GDAP1: variants seen among roughly 807,000 people sequenced by gnomAD.
GDAP1 encodes the protein ganglioside-induced differentiation-associated protein 1.
GDAP1 carries 34 observed loss-of-function variants against 40.1 expected under a neutral mutation model. The ratio of observed to expected loss-of-function variants is 0.85; its 90% confidence interval spans 0.64 to 1.13. The LOEUF (loss-of-function observed/expected upper bound fraction) is 1.13, where lower values mean the gene tolerates loss of function less well. GDAP1 is among the 50% of genes most tolerant of loss of function. The probability of loss-of-function intolerance (pLI) is 0.00; values close to 1 mark genes in which losing one functional copy is unlikely to be tolerated. For missense variants in GDAP1, 374 were observed against 433.7 expected (o/e 0.86, Z 1.22); for synonymous variants, 170 against 157.4 (o/e 1.08, Z -0.60).
chr8:74,444,899 A>G (rs1456850849), intron 2 of GDAP1, among the ~76,000 whole-genome samples: 1 of 152,216 alleles, frequency 6.6e-6, no homozygotes, highest in African/African-American at 2.4e-5. Context: ...TATTATGCTC[A>G]CTGATTTATC....
At chr8:74,422,352 C>CCTTCCTTCCTTCCTTCCTT (rs1245003353) in intron 2 of GDAP1, among the ~76,000 whole-genome samples, 2 of 34,222 alleles carry the variant, frequency 5.8e-5, no homozygotes, top group African/African-American at 2.1e-4. Flanking sequence ...TTTCTTTCTT[C>CCTTCCTTCCTTCCTTCCTT]CCTTCCTTCC....
chr8:74,356,711 T>TAG (rs1809114236), intron 2 of GDAP1, among the ~76,000 whole-genome samples: 1 of 87,416 alleles, frequency 1.1e-5, no homozygotes, highest in Non-Finnish European at 2.4e-5. Context: ...TGTATATATA[T>TAG]ATATATTTTT....
At chr8:74,362,385 G>A (rs1375988321) in intron 4 of GDAP1, among the ~76,000 whole-genome samples, 7 of 152,002 alleles carry the variant, frequency 4.6e-5, no homozygotes, top group Non-Finnish European at 5.9e-5. Flanking sequence ...TTCCTTCCCC[G>A]GGCCCAGCAA....
At chr8:74,382,868 A>G (rs773536433) in intron 2 of GDAP1, among the ~76,000 whole-genome samples, 11 of 152,012 alleles carry the variant, frequency 7.2e-5, no homozygotes, top group Admixed American at 5.9e-4. Context: ...CTTTTATTTC[A>G]GTTACTGTCT....
At chr8:74,478,402 G>T (rs10100934) in intron 2 of GDAP1, among the ~76,000 whole-genome samples, 1,726 of 152,154 alleles carry the variant, frequency 0.011, 23 homozygotes, top group African/African-American at 0.039. Flanking sequence ...GTAGGCTGGT[G>T]TGTGTCTATG....
intron 2 of GDAP1, among the ~76,000 whole-genome samples, chr8:74,413,798 G>A (rs930631214): frequency 1.1e-4 from 16 of 148,124 alleles, no homozygotes; most frequent in Non-Finnish European, 2.2e-4. Context: ...ACATAACAGA[G>A]CAGGGTCAAT....
chr8:74,371,751 T>C (rs1809755200), downstream of GDAP1, among the ~76,000 whole-genome samples: 1 of 147,892 alleles, frequency 6.8e-6, no homozygotes, highest in Non-Finnish European at 1.5e-5. Flanking sequence ...AGAGGGAAAT[T>C]TATAGTTTGT....
At chr8:74,422,352 CCCTT>C (rs56384829) in intron 2 of GDAP1, among the ~76,000 whole-genome samples, 2,770 of 33,764 alleles carry the variant, frequency 0.082, 99 homozygotes, top group Admixed American at 0.12. Flanking sequence ...TTTCTTTCTT[CCCTT>C]CCTTCCTTCC....
At chr8:74,395,308 A>G (rs1390228712) in intron 2 of GDAP1, among the ~76,000 whole-genome samples, 1 of 152,168 alleles carries the variant, frequency 6.6e-6, no homozygotes, top group East Asian at 1.9e-4. Flanking sequence ...CTGTCCAAGT[A>G]CTGTATCTGA....
At chr8:74,469,393 G>T (rs924092540) in intron 2 of GDAP1, among the ~76,000 whole-genome samples, 1 of 152,286 alleles carries the variant, frequency 6.6e-6, no homozygotes, top group East Asian at 1.9e-4. Flanking sequence ...TCTGAGGCGG[G>T]CGCAGTGGCT....
chr8:74,360,148 A>G lies in GDAP1; in HGVS notation c.322A>G (p.Arg108Gly). The change falls in exon 3 of 6, where the codon AGG becomes GGG. Residue 108 changes from arginine to glycine, a missense_variant. Coordinates refer to ENST00000220822, the MANE Select transcript of GDAP1 (RefSeq NM_018972.4). ...EQTFLDERTP[R>G]LMPDKESMYY... ...TGTGTGTATTTTAGAAAGAACACCC[A>G]GGTTAATGCCTGATAAAGAAAGCAT... is the stretch of plus-strand genomic sequence containing the variant. 1 of 1,612,442 alleles carries G rather than the reference A, an allele frequency of 6.2e-7. No individual in the cohort carries two copies. Among genetic ancestry groups the G allele is most frequent in the East Asian group, 2.2e-5 (1 of 44,872 alleles).
chr8:74,426,411 T>C (rs1034008402), intron 2 of GDAP1, among the ~76,000 whole-genome samples: 1 of 152,264 alleles, frequency 6.6e-6, no homozygotes, highest in Non-Finnish European at 1.5e-5. Context: ...TTTGAATCTT[T>C]GAATAAAGAG....
chr8:74,374,642 T>C (rs1245273190), intron 2 of GDAP1, among the ~76,000 whole-genome samples: 1 of 152,000 alleles, frequency 6.6e-6, no homozygotes, highest in East Asian at 1.9e-4. Flanking sequence ...AAATTACCAA[T>C]ATCACATAAC....
Position 74,462,519 on chromosome 8 carries a change from G to C in GDAP1, c.166-26159G>C, listed in dbSNP as rs138572643. On this transcript the variant is annotated intron_variant, in intron 2 of 2. Coordinates refer to the GDAP1 transcript ENST00000523640. ...GTTCATTCCAGCTGATGGTAAGTTAGAGACTATTGGGCAGAAGCAAGCAAT... is the reference window on the plus strand; with the variant it reads ...GTTCATTCCAGCTGATGGTAAGTTACAGACTATTGGGCAGAAGCAAGCAAT... 5.0e-3 allele frequency among the ~76,000 whole-genome samples: 764 copies of C among 152,286 alleles called. 4 individuals are homozygous for C. Among genetic ancestry groups the C allele is most frequent in the African/African-American group, 0.018 (733 of 41,570 alleles).
chr8:74,378,271 C>T (rs541497608), intron 2 of GDAP1, among the ~76,000 whole-genome samples: 11 of 152,288 alleles, frequency 7.2e-5, no homozygotes, highest in African/African-American at 2.6e-4. Context: ...TTTAGTGTTC[C>T]TCAGGGCATC....
At chr8:74,361,164 C>G (rs1563442910) in intron 3 of GDAP1, among the ~76,000 whole-genome samples, 1 of 151,926 alleles carries the variant, frequency 6.6e-6, no homozygotes, top group Non-Finnish European at 1.5e-5. Flanking sequence ...CATAAATACC[C>G]TTTATAGTAT....
At chr8:74,446,355 C>T (rs1339639232) in intron 2 of GDAP1, among the ~76,000 whole-genome samples, 1 of 152,076 alleles carries the variant, frequency 6.6e-6, no homozygotes, top group Admixed American at 6.6e-5. Context: ...TTTGCCTGCT[C>T]AGAAAGTCTA....
chr8:74,365,517 A>G lies in GDAP1; in HGVS notation c.*1150A>G, dbSNP rs1216173560. 2.2e-6 allele frequency: 1 copy of G among 454,354 alleles called. No individual in the cohort carries two copies. The highest frequency in any genetic ancestry group is 4.4e-6 in the Non-Finnish European group (1 of 226,786). The allele number at this position is 454,354 out of a possible 1,614,324, so 28.1% of individuals were successfully genotyped here. A position where few individuals can be genotyped will look rare whatever the true frequency, so the allele number is the denominator to read the frequency against. The stretch of plus-strand genomic sequence containing the variant: ...CTCAGAAAAAGTCTTTCATGGTGAC[A>G]GGAAGACAGTTTCCCTGGAGCTGGC... On this transcript the variant is annotated 3_prime_UTR_variant, in exon 6 of 6. Coordinates refer to ENST00000220822, the MANE Select transcript of GDAP1 (RefSeq NM_018972.4).
At chr8:74,386,980 TTGTC>T (rs1327616742) in intron 2 of GDAP1, among the ~76,000 whole-genome samples, 1 of 151,890 alleles carries the variant, frequency 6.6e-6, no homozygotes, top group Non-Finnish European at 1.5e-5. Context: ...ATTTGGCTGT[TTGTC>T]TATTATTAGT....
Sources: allele counts gnomAD v4.1 joint callset (sites outside exome capture counted in the v4.1 genomes callset), GRCh38; gene constraint gnomAD v4.1.1; transcripts MANE v1.5; gene names NCBI Gene and HGNC (gene_info 2026-07-23, HGNC 2026-07-21).